The following CAPZA2 variants were observed in gnomAD, a reference collection of about 807,000 sequenced individuals.
CAPZA2 encodes the protein F-actin-capping protein subunit alpha-2.
CAPZA2 carries 13 observed loss-of-function variants against 44.0 expected under a neutral mutation model. The ratio of observed to expected loss-of-function variants is 0.30; its 90% CI spans 0.19 to 0.47. The LOEUF (loss-of-function observed/expected upper bound fraction) is 0.47, where lower values mean the gene tolerates loss of function less well. Among genes scored for constraint, CAPZA2 ranks in the 20% least tolerant of loss-of-function variants. The probability of loss-of-function intolerance (pLI) is 1.00; values close to 1 mark genes in which losing one functional copy is unlikely to be tolerated. For missense variants in CAPZA2, 244 were observed against 338.6 expected (o/e 0.72, Z 2.19); for synonymous variants, 94 against 108.2 (o/e 0.87, Z 0.81).
At chr7:116,898,731 A>G in intron 3 of CAPZA2, 41 bp from the exon 4 acceptor site, 1 of 1,338,592 alleles carries the variant, frequency 7.5e-7, no homozygotes, top group Admixed American at 2.0e-5. Context: ...AAAAAACATT[A>G]AATATATAAT....
At chr7:116,902,039 G>T (rs547505590) in intron 4 of CAPZA2, among the ~76,000 whole-genome samples, 1 of 151,950 alleles carries the variant, frequency 6.6e-6, no homozygotes, top group Non-Finnish European at 1.5e-5. Context: ...GGTGTATGGA[G>T]TAGACAAAAA....
chr7:116,887,383 C>A (rs539735283), intron 1 of CAPZA2, among the ~76,000 whole-genome samples: 1 of 152,102 alleles, frequency 6.6e-6, no homozygotes, highest in African/African-American at 2.4e-5. Flanking sequence ...AAAAAATTAT[C>A]CAGGTGTGGT....
rs577619955 is a variant in CAPZA2, at chr7:116,881,698, C to A, written c.40-6429C>A. On this transcript the variant is annotated intron_variant, in intron 1 of 9. Coordinates refer to ENST00000361183, the MANE Select transcript of CAPZA2 (RefSeq NM_006136.3). Reference sequence around the variant, plus strand: ...AGCTTGCAGTGAGCCAAGATCGCACCACTGCACTCCAGCCTGGGCAGCAGA... The same window carrying A: ...AGCTTGCAGTGAGCCAAGATCGCACAACTGCACTCCAGCCTGGGCAGCAGA... 5.7e-5 allele frequency among the ~76,000 whole-genome samples: 8 copies of A among 140,876 alleles called. No homozygotes were observed. The East Asian group carries it at 1.5e-3, about 27-fold the overall frequency. The allele number at this position is 140,876 out of a possible 152,430, so 92.4% of individuals were successfully genotyped here.
At position 116,920,325 on chromosome 7, in the gene CAPZA2, A is replaced by G. The variant is rs1268117939; in HGVS notation, c.*2458A>G. On this transcript the variant is annotated 3_prime_UTR_variant, in exon 10 of 10. Transcript: ENST00000361183. ...ACCCAGAGTATCCTATAGCTCAGGGATGTAATTTTAGTAGGAGACATTATG... is the reference window on the plus strand; with the variant it reads ...ACCCAGAGTATCCTATAGCTCAGGGGTGTAATTTTAGTAGGAGACATTATG... 6.6e-6 allele frequency: 1 copy of G among 152,170 alleles called. No individual in the cohort carries two copies. Among genetic ancestry groups the G allele is most frequent in the Non-Finnish European group, 1.5e-5 (1 of 68,058 alleles). 9.4% of individuals were successfully genotyped at this position (152,170 alleles called of 1,614,324 possible).
intron 4 of CAPZA2, 86 bp from the exon 5 acceptor site, chr7:116,904,091 A>G: frequency 1.3e-6 from 1 of 774,126 alleles, no homozygotes; most frequent in Non-Finnish European, 2.1e-6. Flanking sequence ...GTTTTAAGGA[A>G]GAAGCTTAAA....
At chr7:116,891,542 C>A (rs1226708503) in intron 2 of CAPZA2, among the ~76,000 whole-genome samples, 1 of 152,166 alleles carries the variant, frequency 6.6e-6, no homozygotes, top group Non-Finnish European at 1.5e-5. Flanking sequence ...GATGGAGTCT[C>A]GCTCTGTTGC....
chr7:116,892,845 G>A (rs888405125), intron 2 of CAPZA2, 149 bp from the exon 3 acceptor site: 1 of 373,806 alleles, frequency 2.7e-6, no homozygotes, highest in Non-Finnish European at 4.8e-6. Flanking sequence ...ATACTATGTT[G>A]TGTGTTTGGT....
intron 1 of CAPZA2, among the ~76,000 whole-genome samples, chr7:116,881,137 T>C (rs1425867212): frequency 1.3e-5 from 2 of 152,202 alleles, no homozygotes; most frequent in African/African-American, 4.8e-5. Context: ...CACTTCTTGC[T>C]GCCTGCTAAT....
intron 1 of CAPZA2, among the ~76,000 whole-genome samples, chr7:116,885,570 A>G (rs897568444): frequency 3.9e-5 from 6 of 152,182 alleles, no homozygotes; most frequent in Non-Finnish European, 7.3e-5. Flanking sequence ...CACCAGTCAC[A>G]AGTCCGGGCA....
In CAPZA2 at chr7:116,881,515, G is replaced by A. The variant is rs530910777; in HGVS notation, c.40-6612G>A. Reference sequence around the variant, plus strand: ...AGCACTTCGGGAGGCCAAGGTGGGCGGATCACGAGGTCAGGAGATCAAGAC... The same window carrying A: ...AGCACTTCGGGAGGCCAAGGTGGGCAGATCACGAGGTCAGGAGATCAAGAC... On this transcript the variant is annotated intron_variant, in intron 1 of 9. Transcript: ENST00000361183. Among the ~76,000 whole-genome samples the A allele has an allele frequency of 3.3e-5, 5 of 152,084 alleles. No homozygotes were observed. The South Asian group carries it at 6.2e-4, about 19-fold the overall frequency.
At chr7:116,877,356 G>T (rs549906189) in intron 1 of CAPZA2, among the ~76,000 whole-genome samples, 104 of 152,318 alleles carry the variant, frequency 6.8e-4, no homozygotes, top group Non-Finnish European at 1.2e-3. Flanking sequence ...GCTGTGTGCA[G>T]TTTCACCACA....
chr7:116,873,367 A>G (rs556007223), intron 1 of CAPZA2: 2 of 152,238 alleles, frequency 1.3e-5, no homozygotes, highest in Non-Finnish European at 2.9e-5. Flanking sequence ...ATGCACATAC[A>G]TTGTCTGCTT....
Position 116,920,536 on chromosome 7 carries a change from A to G in CAPZA2, c.*2669A>G, listed in dbSNP as rs1027030473. On this transcript the variant is annotated 3_prime_UTR_variant, in exon 10 of 10. Coordinates refer to ENST00000361183, the MANE Select transcript of CAPZA2 (RefSeq NM_006136.3). ...GGTAAAATCAGCAAGACCTGGGGAG[A>G]GTTTGGTCATGGAGTGTGAGATAAA... is the stretch of plus-strand genomic sequence containing the variant. 2 of 152,204 alleles carry G rather than the reference A, an allele frequency of 1.3e-5. No homozygotes were observed. The highest frequency in any genetic ancestry group is 1.3e-4 in the Admixed American group (2 of 15,266). The allele number at this position is 152,204 out of a possible 1,614,324, so 9.4% of individuals were successfully genotyped here. A position where few individuals can be genotyped will look rare whatever the true frequency, so the allele number is the denominator to read the frequency against.
chr7:116,863,167 C>T (rs75307073), intron 1 of CAPZA2, among the ~76,000 whole-genome samples: 3,588 of 152,356 alleles, frequency 0.024, 137 homozygotes, highest in African/African-American at 0.078. Context: ...CTTCCCCCTC[C>T]TCAAAGCAAA....
chr7:116,870,469 A>C (rs972441959), intron 1 of CAPZA2, among the ~76,000 whole-genome samples: 6 of 152,210 alleles, frequency 3.9e-5, no homozygotes, highest in Admixed American at 2.6e-4. Context: ...GTGCTGTTTA[A>C]CAGCTGACTG....
chr7:116,898,783 A>G lies in CAPZA2; in HGVS notation c.167A>G (p.Gln56Arg). The change falls in exon 4 of 10, where the codon CAG (glutamine) becomes CGG (arginine). Residue 56 changes from glutamine (Q) to arginine (R), a missense_variant. Coordinates refer to ENST00000361183, the MANE Select transcript of CAPZA2 (RefSeq NM_006136.3). ...TTTCTTTTTTTTAGTGCATTTGCAC[A>G]GTATAACTTGGACCAGTTTACTCCA... is the stretch of plus-strand genomic sequence containing the variant. ...LREGAAHAFAQYNLDQFTPVK... is the reference protein window; with the variant it reads ...LREGAAHAFARYNLDQFTPVK... 1.3e-6 allele frequency: 2 copies of G among 1,589,020 alleles called. No individual in the cohort carries two copies. The highest frequency in any genetic ancestry group is 1.7e-6 in the Non-Finnish European group (2 of 1,165,198).
At chr7:116,899,135 G>A (rs956638867) in intron 4 of CAPZA2, among the ~76,000 whole-genome samples, 3 of 151,830 alleles carry the variant, frequency 2.0e-5, no homozygotes, top group Non-Finnish European at 4.4e-5. Context: ...CCAAAGTCTA[G>A]AATATATGTG....
At position 116,904,201 on chromosome 7, in the gene CAPZA2, T is replaced by A; in HGVS notation, c.244T>A (p.Leu82Met). 6.2e-7 allele frequency: 1 copy of A among 1,613,530 alleles called. No individual in the cohort carries two copies. ...DQVLITEHGD[L>M]GNGKFLDPKN... ...GGTATTGATAACAGAACATGGCGAC[T>A]TGGGAAATGGAAAGTTTTTGGATCC... is the stretch of plus-strand genomic sequence containing the variant. The change falls in exon 5 of 10, where the codon TTG (leucine) becomes ATG (methionine). Residue 82 changes from leucine (L) to methionine (M), a missense_variant. Physicochemically the swap from Leu to Met is conservative, Grantham distance 15. Coordinates refer to ENST00000361183, the MANE Select transcript of CAPZA2 (RefSeq NM_006136.3).
chr7:116,888,888 A>G lies in CAPZA2; in HGVS notation c.103+698A>G, dbSNP rs368154057. Among the ~76,000 whole-genome samples, 47 of 152,270 alleles carry G rather than the reference A, an allele frequency of 3.1e-4. No individual in the cohort carries two copies. The East Asian group carries it at 4.8e-3, about 16-fold the overall frequency. Reference sequence around the variant, plus strand: ...TCATCATGACCATATATTTTTTGGAATTGTGAAAGGAATTTTTGTATTTCT... The same window carrying G: ...TCATCATGACCATATATTTTTTGGAGTTGTGAAAGGAATTTTTGTATTTCT... On this transcript the variant is annotated intron_variant, in intron 2 of 9. Coordinates refer to ENST00000361183, the MANE Select transcript of CAPZA2 (RefSeq NM_006136.3).
Sources: allele counts gnomAD v4.1 joint callset (sites outside exome capture counted in the v4.1 genomes callset), GRCh38; gene constraint gnomAD v4.1.1; transcripts MANE v1.5; gene names NCBI Gene and HGNC (gene_info 2026-07-23, HGNC 2026-07-21).